Variants in PTPRD observed in about 807,000 individuals in gnomAD.
The protein encoded by PTPRD is protein tyrosine phosphatase receptor type D.
Under a neutral mutation model 214.5 loss-of-function variants are expected in PTPRD, and 34 were observed. The observed-to-expected ratio is 0.16, with a 90% confidence interval of 0.12 to 0.21. The LOEUF is 0.21. Among genes scored for constraint, PTPRD ranks in the 10% least tolerant of loss-of-function variants. PTPRD has a pLI of 1.00. For missense variants in PTPRD, 2,545 were observed against 2,398.7 expected (o/e 1.06, Z -1.27); for synonymous variants, 1,128 against 845.7 (o/e 1.33, Z -5.79).
At chr9:9,445,410 A>G (rs898496870) in intron 8 of PTPRD, among the ~76,000 whole-genome samples, 9 of 152,168 alleles carry the variant, frequency 5.9e-5, no homozygotes, top group African/African-American at 2.2e-4. Context: ...CTTAGAGAAC[A>G]ATTTTCACTT....
chr9:10,490,342 A>G (rs191566885), intron 2 of PTPRD, among the ~76,000 whole-genome samples: 1 of 152,292 alleles, frequency 6.6e-6, no homozygotes, highest in East Asian at 1.9e-4. Context: ...ATATTTACCA[A>G]CAATAAGATG....
chr9:9,998,831 T>G (rs1220543792), intron 4 of PTPRD, among the ~76,000 whole-genome samples: 1 of 152,192 alleles, frequency 6.6e-6, no homozygotes, highest in Non-Finnish European at 1.5e-5. Context: ...CTCCAAGTAC[T>G]CTTTCCTGAT....
intron 30 of PTPRD, among the ~76,000 whole-genome samples, chr9:8,475,206 G>C (rs193004697): frequency 6.6e-6 from 1 of 152,098 alleles, no homozygotes; most frequent in East Asian, 1.9e-4. Context: ...AGGGTGCTCA[G>C]TGATCTCCAG....
intron 2 of PTPRD, among the ~76,000 whole-genome samples, chr9:10,517,492 A>T (rs2050528464): frequency 6.6e-6 from 1 of 152,040 alleles, no homozygotes; most frequent in Admixed American, 6.6e-5. Context: ...TTCTACACAT[A>T]AGATCATGTC....
intron 11 of PTPRD, among the ~76,000 whole-genome samples, chr9:8,990,679 T>G (rs1232922694): frequency 2.6e-5 from 4 of 152,072 alleles, no homozygotes; most frequent in Admixed American, 6.6e-5. Context: ...TGCCTTTCTG[T>G]GTAGGAGATG....
chr9:9,005,263 C>T (rs1011773211), intron 11 of PTPRD, among the ~76,000 whole-genome samples: 1 of 152,014 alleles, frequency 6.6e-6, no homozygotes, highest in African/African-American at 2.4e-5. Flanking sequence ...AAATGCAAAA[C>T]TCCATCTGAG....
At chr9:9,957,785 T>C (rs1462366302) in intron 4 of PTPRD, among the ~76,000 whole-genome samples, 1 of 151,936 alleles carries the variant, frequency 6.6e-6, no homozygotes, top group Non-Finnish European at 1.5e-5. Context: ...ACTTCAAGAC[T>C]TACTAAAAAT....
chr9:9,736,947 T>C (rs146188097), intron 6 of PTPRD, among the ~76,000 whole-genome samples: 179 of 152,210 alleles, frequency 1.2e-3, no homozygotes, highest in Non-Finnish European at 1.4e-3. Flanking sequence ...TGCAGTCCTA[T>C]TGAATCATCT....
At chr9:10,576,182 A>C (rs540384448) in intron 2 of PTPRD, among the ~76,000 whole-genome samples, 1 of 152,142 alleles carries the variant, frequency 6.6e-6, no homozygotes, top group African/African-American at 2.4e-5. Context: ...GCTATCAGTA[A>C]AATTTAATTT....
At chr9:9,632,619 A>C (rs114062377) in intron 7 of PTPRD, among the ~76,000 whole-genome samples, 26,427 of 152,008 alleles carry the variant, frequency 0.17, 2,574 homozygotes, top group African/African-American at 0.26. Context: ...AAAGTTAAAA[A>C]AAAAAAGGAG....
intron 43 of PTPRD, among the ~76,000 whole-genome samples, chr9:8,336,613 A>G (rs749257160): frequency 6.9e-6 from 1 of 144,582 alleles, no homozygotes; most frequent in African/African-American, 2.6e-5. Context: ...ATTAAACTAA[A>G]GAGCTTCTGC....
At chr9:9,736,266 TTATC>T (rs2098293090) in intron 6 of PTPRD, among the ~76,000 whole-genome samples, 1 of 152,136 alleles carries the variant, frequency 6.6e-6, no homozygotes, top group Non-Finnish European at 1.5e-5. Context: ...GTTTTAAACT[TTATC>T]TACTTGGAAT....
chr9:9,923,727 G>A (rs1443198743), intron 5 of PTPRD, among the ~76,000 whole-genome samples: 1 of 151,976 alleles, frequency 6.6e-6, no homozygotes, highest in South Asian at 2.1e-4. Flanking sequence ...GAAGGGTGGA[G>A]GAGGTAAGCT....
chr9:9,480,562 A>C (rs915454857), intron 8 of PTPRD, among the ~76,000 whole-genome samples: 2 of 152,118 alleles, frequency 1.3e-5, no homozygotes, highest in Non-Finnish European at 2.9e-5. Context: ...TAGATTTCAA[A>C]GTTTGTATTG....
rs182701111 is a variant in PTPRD, at chr9:9,736,918, C to A, written c.-325-2347G>T. Among the ~76,000 whole-genome samples the A allele has an allele frequency of 2.8e-3, 422 of 152,082 alleles. 1 individual carries two copies. Among genetic ancestry groups the A allele is most frequent in the African/African-American group, 9.5e-3 (395 of 41,502 alleles). The stretch of plus-strand genomic sequence containing the variant: ...CTCACTTACTGTTTCTTACGTTGAA[C>A]ACCTATTGTTAATTTTAATGCAGTC... On this transcript the variant is annotated intron_variant, in intron 6 of 45. Coordinates refer to ENST00000381196, the MANE Select transcript of PTPRD (RefSeq NM_002839.4).
chr9:9,827,263 A>C (rs1291764544), intron 5 of PTPRD, among the ~76,000 whole-genome samples: 1 of 152,158 alleles, frequency 6.6e-6, no homozygotes, highest in Non-Finnish European at 1.5e-5. Context: ...ACTATCCTAC[A>C]AGGCTGCAGT....
intron 2 of PTPRD, among the ~76,000 whole-genome samples, chr9:10,364,176 T>C (rs1231360994): frequency 6.6e-6 from 1 of 151,888 alleles, no homozygotes; most frequent in East Asian, 1.9e-4. Context: ...ATTTTTTTTG[T>C]ATTTTTAGTA....
At chr9:9,874,446 T>C (rs2066301460) in intron 5 of PTPRD, among the ~76,000 whole-genome samples, 1 of 144,882 alleles carries the variant, frequency 6.9e-6, no homozygotes, top group African/African-American at 2.6e-5. Context: ...TCACAACATA[T>C]GCAACGCAGA....
chr9:9,900,364 T>C (rs141573538), intron 5 of PTPRD, among the ~76,000 whole-genome samples: 204 of 152,338 alleles, frequency 1.3e-3, no homozygotes, highest in African/African-American at 4.8e-3. Context: ...GTTCAAACTT[T>C]CACAAATTGC....
Sources: allele counts gnomAD v4.1 joint callset (sites outside exome capture counted in the v4.1 genomes callset), GRCh38; gene constraint gnomAD v4.1.1; transcripts MANE v1.5; gene names NCBI Gene and HGNC (gene_info 2026-07-23, HGNC 2026-07-21).